The following NUMB variants were observed in gnomAD, a reference collection of about 807,000 sequenced individuals.
The protein encoded by NUMB is protein numb homolog.
In NUMB, 29 loss-of-function variants were observed where a neutral mutation model predicts 59.7. The ratio of observed to expected loss-of-function variants is 0.49; its 90% CI spans 0.36 to 0.66. NUMB has a LOEUF of 0.66. NUMB is among the 30% of genes least tolerant of loss of function. The probability of loss-of-function intolerance (pLI) is 0.00; values close to 1 mark genes in which losing one functional copy is unlikely to be tolerated. For synonymous variants in NUMB, 288 were observed against 288.2 expected, an observed-to-expected ratio of 1.00 and a Z score of 0.01; for missense variants, 723 against 822.0, an observed-to-expected ratio of 0.88 and a Z score of 1.47.
intron 2 of NUMB, among the ~76,000 whole-genome samples, chr14:73,386,358 C>T (rs1165094633): frequency 6.6e-6 from 1 of 152,182 alleles, no homozygotes; most frequent in Non-Finnish European, 1.5e-5. Flanking sequence ...CTTACTCCCT[C>T]GCAGCACTTC....
chr14:73,290,797 C>T (rs1330423500), intron 8 of NUMB, among the ~76,000 whole-genome samples: 3 of 152,034 alleles, frequency 2.0e-5, no homozygotes, highest in South Asian at 2.1e-4. Context: ...ATCCCAAATC[C>T]GAAAAGCCAA....
intron 4 of NUMB, among the ~76,000 whole-genome samples, chr14:73,341,070 C>A (rs573224117): frequency 6.6e-5 from 10 of 152,284 alleles, no homozygotes; most frequent in African/African-American, 2.2e-4. Context: ...GAGGCCTCCC[C>A]AGCCATGTGG....
rs1333053379 is a variant in NUMB, at chr14:73,352,475, CACATATATATATATATATATAT to C, written c.126+3129_126+3150del. Among the ~76,000 whole-genome samples, 118 of 13,734 alleles carry C rather than the reference CACATATATATATATATATATAT, an allele frequency of 8.6e-3. 9 individuals are homozygous for C. The highest frequency in any genetic ancestry group is 0.02 in the East Asian group (9 of 448). 9.0% of individuals were successfully genotyped at this position (13,734 alleles called of 152,430 possible). A position where few individuals can be genotyped will look rare whatever the true frequency, so the allele number is the denominator to read the frequency against. On this transcript the variant is annotated intron_variant, in intron 4 of 12. Coordinates refer to ENST00000555238, the MANE Select transcript of NUMB (RefSeq NM_001005743.2). ...ACACACACATACACACACACACACACACATATATATATATATATATATATATATATATATATATATATATATA... is the reference window on the plus strand; with the variant it reads ...ACACACACATACACACACACACACACATATATATATATATATATATATATA...
At chr14:73,404,786 G>T (rs368949888) in intron 2 of NUMB, among the ~76,000 whole-genome samples, 1 of 150,016 alleles carries the variant, frequency 6.7e-6, no homozygotes, top group Non-Finnish European at 1.5e-5. Flanking sequence ...TTTTGGAGAC[G>T]GAGTCTTGCT....
chr14:73,296,025 TC>T (rs749335585), intron 7 of NUMB, among the ~76,000 whole-genome samples: 11 of 152,222 alleles, frequency 7.2e-5, no homozygotes, highest in Non-Finnish European at 1.5e-4. Flanking sequence ...AGTGTTTTCT[TC>T]AGAGCAAGAA....
At chr14:73,436,125 T>C (rs1272596651) in intron 1 of NUMB, among the ~76,000 whole-genome samples, 2 of 152,214 alleles carry the variant, frequency 1.3e-5, no homozygotes, top group East Asian at 3.8e-4. Flanking sequence ...ACAATAATGA[T>C]GTAGAATTTA....
intron 3 of NUMB, among the ~76,000 whole-genome samples, chr14:73,357,866 T>C (rs1893884159): frequency 6.9e-6 from 1 of 144,898 alleles, no homozygotes; most frequent in Non-Finnish European, 1.5e-5. Context: ...GTTGGCATGC[T>C]CCAAATTATC....
chr14:73,327,762 AC>A (rs1422744027), intron 4 of NUMB, among the ~76,000 whole-genome samples: 2 of 152,158 alleles, frequency 1.3e-5, no homozygotes, highest in African/African-American at 4.8e-5. Flanking sequence ...TAAAAAACAT[AC>A]AGTAAAATTC....
At chr14:73,451,444 A>AC in intron 1 of NUMB, among the ~76,000 whole-genome samples, 1 of 151,484 alleles carries the variant, frequency 6.6e-6, no homozygotes, top group South Asian at 2.1e-4. Flanking sequence ...TAAAAAAAAA[A>AC]AAAAAAAACC....
In NUMB at chr14:73,278,518, TC is replaced by T. The variant is rs1184558218; in HGVS notation, c.1240+762del. 4.5e-5 allele frequency among the ~76,000 whole-genome samples: 6 copies of T among 133,016 alleles called. No homozygotes were observed. The East Asian group carries it at 1.5e-3, about 34-fold the overall frequency. The allele number at this position is 133,016 out of a possible 152,430, so 87.3% of individuals were successfully genotyped here. ...CTGGGTGACAGAACAATACTCCACC[TC>T]CAAAAAAAAAAAACTTTTTGGTTTT... On this transcript the variant is annotated intron_variant, in intron 12 of 12. Transcript: ENST00000555238.
chr14:73,443,508 T>C (rs560929193), intron 1 of NUMB, among the ~76,000 whole-genome samples: 1 of 151,202 alleles, frequency 6.6e-6, no homozygotes, highest in South Asian at 2.1e-4. Context: ...GGCAGGAAAA[T>C]TGCTTGAACC....
At chr14:73,382,514 C>T (rs1182440662) in intron 2 of NUMB, among the ~76,000 whole-genome samples, 1 of 151,522 alleles carries the variant, frequency 6.6e-6, no homozygotes, top group Non-Finnish European at 1.5e-5. Context: ...CAGGGCCTGA[C>T]AAGAAGGAGA....
chr14:73,340,611 C>A (rs945670018), intron 4 of NUMB, among the ~76,000 whole-genome samples: 2 of 152,188 alleles, frequency 1.3e-5, no homozygotes, highest in African/African-American at 4.8e-5. Flanking sequence ...TGGTACACAG[C>A]AGACTCCATA....
chr14:73,309,125 G>A (rs1000311896), intron 6 of NUMB, among the ~76,000 whole-genome samples: 2 of 152,214 alleles, frequency 1.3e-5, no homozygotes, highest in African/African-American at 4.8e-5. Context: ...GAAGAATCTG[G>A]TGGAGGAGTT....
At chr14:73,449,266 T>C (rs1883761491) in intron 1 of NUMB, among the ~76,000 whole-genome samples, 1 of 152,116 alleles carries the variant, frequency 6.6e-6, no homozygotes, top group African/African-American at 2.4e-5. Flanking sequence ...CCATCTTATA[T>C]AAGTGACCTG....
At chr14:73,350,130 CAAT>C (rs1335834729) in intron 4 of NUMB, among the ~76,000 whole-genome samples, 1 of 147,742 alleles carries the variant, frequency 6.8e-6, no homozygotes, top group Non-Finnish European at 1.5e-5. Flanking sequence ...TTTCCTATGT[CAAT>C]GATCATCATC....
chr14:73,288,827 C>G (rs1175308034), intron 8 of NUMB, among the ~76,000 whole-genome samples: 2 of 152,002 alleles, frequency 1.3e-5, no homozygotes, highest in African/African-American at 4.8e-5. Flanking sequence ...CCATTGCACT[C>G]CAGCCTGGGC....
chr14:73,282,128 G>C, intron 11 of NUMB: 2 of 450,916 alleles, frequency 4.4e-6, no homozygotes, highest in Non-Finnish European at 7.9e-6. Context: ...CTTATAGAAT[G>C]GGGTGAAAGA....
chr14:73,448,078 T>G (rs1447181682), intron 1 of NUMB, among the ~76,000 whole-genome samples: 3 of 152,176 alleles, frequency 2.0e-5, no homozygotes, highest in Non-Finnish European at 2.9e-5. Flanking sequence ...ATTACAGGCA[T>G]GAGCCACCGC....
Sources: gnomAD v4.1 joint callset for allele counts (sites outside exome capture counted in the v4.1 genomes callset) on GRCh38, gnomAD v4.1.1 for gene constraint, MANE v1.5 for transcripts, NCBI Gene and HGNC (gene_info 2026-07-23, HGNC 2026-07-21) for gene names.